Variants in KRT77 observed in about 807,000 individuals in gnomAD.
KRT77 encodes keratin 77.
A neutral mutation model predicts 51.5 loss-of-function variants in KRT77; 44 were observed. The ratio of observed to expected loss-of-function variants is 0.85; its 90% confidence interval spans 0.67 to 1.10. The LOEUF (loss-of-function observed/expected upper bound fraction) is 1.10, where lower values mean the gene tolerates loss of function less well. KRT77 is among the 50% of genes least tolerant of loss of function. KRT77 has a pLI of 0.00. For synonymous variants in KRT77, 293 were observed against 302.0 expected, an observed-to-expected ratio of 0.97 and a Z score of 0.31; for missense variants, 763 against 743.9, an observed-to-expected ratio of 1.03 and a Z score of -0.30.
chr12:52,692,700 A>C (rs1291791801), intron 6 of KRT77, 55 bp downstream of exon 6: 1 of 1,597,064 alleles, frequency 6.3e-7, no homozygotes, highest in African/African-American at 1.3e-5. Flanking sequence ...TCGATCTGGC[A>C]GGGCATTGTA....
In KRT77 at chr12:52,703,154, C is replaced by T. The variant is rs755858617; in HGVS notation, c.281G>A (p.Gly94Asp). Residue 94 changes from glycine to aspartate, a missense_variant, in exon 1 of 9, where the codon GGC (glycine) becomes GAC (aspartate). Transcript: ENST00000341809. Reference sequence around the variant, plus strand: ...GGTGCTGCCAACCCCAAAGCCTCTGCCCCCTCCAAATCCCCCTACTCCCCC... The same window carrying T: ...GGTGCTGCCAACCCCAAAGCCTCTGTCCCCTCCAAATCCCCCTACTCCCCC... ...QGGGVGGFGGGRGFGVGSTGA... is the reference protein window; with the variant it reads ...QGGGVGGFGGDRGFGVGSTGA... 6 of 1,600,106 alleles carry T rather than the reference C, an allele frequency of 3.7e-6. No homozygotes were observed. Among genetic ancestry groups the T allele is most frequent in the Non-Finnish European group, 5.1e-6 (6 of 1,169,184 alleles).
Position 52,700,574 on chromosome 12 carries a change from G to A in KRT77, c.543+2318C>T, listed in dbSNP as rs150028210. 3.3e-5 allele frequency among the ~76,000 whole-genome samples: 5 copies of A among 152,286 alleles called. No individual in the cohort carries two copies. The East Asian group carries it at 5.8e-4, about 18-fold the overall frequency. ...TGAGCAAGAAGAGAGCAGGAGAGGAGGCAGAGGGGCACAGGAGGCTGCAGA... is the reference window on the plus strand; with the variant it reads ...TGAGCAAGAAGAGAGCAGGAGAGGAAGCAGAGGGGCACAGGAGGCTGCAGA... On this transcript the variant is annotated intron_variant, in intron 1 of 8. Coordinates refer to ENST00000341809, the MANE Select transcript of KRT77 (RefSeq NM_175078.3).
intron 5 of KRT77, among the ~76,000 whole-genome samples, chr12:52,693,194 G>A (rs935230672): frequency 4.0e-5 from 6 of 150,294 alleles, no homozygotes; most frequent in Admixed American, 4.0e-4. Context: ...CCTTCACGTT[G>A]GTCCTTACCC....
chr12:52,702,034 A>C (rs1469279821), intron 1 of KRT77, among the ~76,000 whole-genome samples: 2 of 151,888 alleles, frequency 1.3e-5, no homozygotes, highest in Non-Finnish European at 2.9e-5. Context: ...CTGCCTGAAA[A>C]TCCCCTCTGC....
rs565978111 is a variant in KRT77 at position 52,701,256 on chromosome 12, C to G, written c.543+1636G>C. Among the ~76,000 whole-genome samples, 6 of 152,364 alleles carry G rather than the reference C, an allele frequency of 3.9e-5. No individual in the cohort carries two copies. In the South Asian group the frequency reaches 1.2e-3, roughly 32 times the overall value. The stretch of plus-strand genomic sequence containing the variant: ...CCTTGCTCCAGTGAAACCCTCTAAC[C>G]CCTGCCTTTGCCTGAAGCGTGGTGA... On this transcript the variant is annotated intron_variant, in intron 1 of 8. Transcript: ENST00000341809.
intron 5 of KRT77, among the ~76,000 whole-genome samples, chr12:52,694,172 A>T (rs562490786): frequency 6.6e-6 from 1 of 152,254 alleles, no homozygotes; most frequent in South Asian, 2.1e-4. Flanking sequence ...TCTGCCATTT[A>T]CTAGCTACAA....
chr12:52,691,548 G>T, intron 8 of KRT77, 109 bp from the exon 9 acceptor site: 1 of 1,278,714 alleles, frequency 7.8e-7, no homozygotes, highest in Non-Finnish European at 1.1e-6. Context: ...CCGTGGCATC[G>T]ACTTGCAAAC....
chr12:52,699,466 G>A (rs553698249), intron 1 of KRT77, among the ~76,000 whole-genome samples: 1 of 152,340 alleles, frequency 6.6e-6, no homozygotes, highest in African/African-American at 2.4e-5. Context: ...AGAACAATCA[G>A]TAAAAGCCAC....
intron 8 of KRT77, 118 bp from the exon 9 acceptor site, chr12:52,691,557 A>AC: frequency 4.3e-6 from 5 of 1,164,346 alleles, no homozygotes; most frequent in Non-Finnish European, 6.0e-6. Context: ...CGACTTGCAA[A>AC]CCCCATACAT....
chr12:52,700,044 G>A (rs1247627893), intron 1 of KRT77, among the ~76,000 whole-genome samples: 1 of 152,252 alleles, frequency 6.6e-6, no homozygotes, highest in Non-Finnish European at 1.5e-5. Context: ...TGTCCCAGGG[G>A]TAAGAGCTGA....
intron 8 of KRT77, 33 bp from the exon 9 acceptor site, chr12:52,691,472 AG>A: frequency 2.0e-6 from 3 of 1,527,958 alleles, no homozygotes; most frequent in Non-Finnish European, 2.6e-6. Context: ...ACGGGGTCAG[AG>A]GGACCGGGCA....
In KRT77 at chr12:52,692,474, G is replaced by A; in HGVS notation, c.1374C>T (p.Ser458=). The A allele has an allele frequency of 4.3e-6, 7 of 1,614,052 alleles. No homozygotes were observed. Among genetic ancestry groups the A allele is most frequent in the Non-Finnish European group, 5.1e-6 (6 of 1,180,006 alleles). ...GGTAGGTGGCGATCTCCACATCCAG[G>A]GACAGCTTGACCCCCAGCATGGCCT... ...DYQAMLGVKL[S]LDVEIATYRQ... is the part of the protein sequence containing the mutation. The change falls in exon 7 of 9, where the codon TCC becomes TCT. Residue 458 remains serine (S), a synonymous_variant. Coordinates refer to ENST00000341809, the MANE Select transcript of KRT77 (RefSeq NM_175078.3).
chr12:52,701,834 T>C (rs10783531), intron 1 of KRT77, among the ~76,000 whole-genome samples: 110,874 of 152,046 alleles, frequency 0.73, 40,750 homozygotes, highest in Non-Finnish European at 0.77. Flanking sequence ...CTACATTGCA[T>C]GCTATTGACT....
In KRT77 at chr12:52,690,384, A is replaced by T. The variant is rs1328143018; in HGVS notation, c.*781T>A. On this transcript the variant is annotated 3_prime_UTR_variant, in exon 9 of 9. Transcript: ENST00000341809. The stretch of plus-strand genomic sequence containing the variant: ...TGAAACAGAGGTTCAGAATCAGGAC[A>T]GTGATGCCTTACAGATATCTGGTGT... 3 of 152,436 alleles carry T rather than the reference A, an allele frequency of 2.0e-5. No individual in the cohort carries two copies. The highest frequency in any genetic ancestry group is 1.3e-4 in the Admixed American group (2 of 15,300). The allele number at this position is 152,436 out of a possible 1,614,324, so 9.4% of individuals were successfully genotyped here. A position where few individuals can be genotyped will look rare whatever the true frequency, so the allele number is the denominator to read the frequency against.
chr12:52,699,452 C>G (rs187263749), intron 1 of KRT77, among the ~76,000 whole-genome samples: 1 of 152,352 alleles, frequency 6.6e-6, no homozygotes, highest in Non-Finnish European at 1.5e-5. Flanking sequence ...GTGCCTTAAC[C>G]ACTAGAACAA....
Position 52,695,125 on chromosome 12 carries a change from C to T in KRT77, c.916-335G>A, listed in dbSNP as rs555412862. 244 of 185,458 alleles carry T rather than the reference C, an allele frequency of 1.3e-3. 1 individual carries two copies. The highest frequency in any genetic ancestry group is 5.4e-3 in the African/African-American group (231 of 42,944). The allele number at this position is 185,458 out of a possible 1,614,324, so 11.5% of individuals were successfully genotyped here. A position where few individuals can be genotyped will look rare whatever the true frequency, so the allele number is the denominator to read the frequency against. Reference sequence around the variant, plus strand: ...TCTTCCTTGAAACCACATGAGTACTCCGAGGCAGTAGAATGGACTCTAGTT... The same window carrying T: ...TCTTCCTTGAAACCACATGAGTACTTCGAGGCAGTAGAATGGACTCTAGTT... On this transcript the variant is annotated intron_variant, in intron 4 of 8. Transcript: ENST00000341809.
rs967190868 is a variant in KRT77 at position 52,690,849 on chromosome 12, T to C, written c.*316A>G. The stretch of plus-strand genomic sequence containing the variant: ...AACTCACGCAGCCTCTGCCTCTAAC[T>C]GGAATGTTTGTGCTCACCCTGGGCT... On this transcript the variant is annotated 3_prime_UTR_variant, in exon 9 of 9. Coordinates refer to ENST00000341809, the MANE Select transcript of KRT77 (RefSeq NM_175078.3). 1 of 494,320 alleles carries C rather than the reference T, an allele frequency of 2.0e-6. No individual in the cohort carries two copies. The highest frequency in any genetic ancestry group is 3.6e-6 in the Non-Finnish European group (1 of 276,318). 30.6% of individuals were successfully genotyped at this position (494,320 alleles called of 1,614,324 possible).
intron 2 of KRT77, 59 bp downstream of exon 2, chr12:52,697,623 C>T: frequency 4.7e-6 from 5 of 1,063,840 alleles, no homozygotes; most frequent in South Asian, 1.2e-5. Flanking sequence ...GAATGTCTTG[C>T]CCCTGTGACC....
At chr12:52,698,814 GCACACGCCCAAAAA>G (rs1941840418) in intron 1 of KRT77, among the ~76,000 whole-genome samples, 1 of 152,178 alleles carries the variant, frequency 6.6e-6, no homozygotes, top group African/African-American at 2.4e-5. Context: ...GCATGCAGGC[GCACACGCCCAAAAA>G]CACACACCCT....
Sources: allele counts gnomAD v4.1 joint callset (sites outside exome capture counted in the v4.1 genomes callset), GRCh38; gene constraint gnomAD v4.1.1; transcripts MANE v1.5; gene names NCBI Gene and HGNC (gene_info 2026-07-23, HGNC 2026-07-21).